TTC17: variants seen among roughly 807,000 people sequenced by gnomAD.
TTC17 encodes the protein tetratricopeptide repeat protein 17.
In TTC17, 58 loss-of-function variants were observed where a neutral mutation model predicts 143.8. The ratio of observed to expected loss-of-function variants is 0.40; its 90% CI spans 0.33 to 0.50. The LOEUF is 0.50. Among genes scored for constraint, TTC17 ranks in the 20% least tolerant of loss-of-function variants. The pLI is 0.49. For missense variants in TTC17, 1,273 were observed against 1,392.5 expected, an observed-to-expected ratio of 0.91 and a Z score of 1.37; for synonymous variants, 501 against 497.8, an observed-to-expected ratio of 1.01 and a Z score of -0.09.
chr11:43,366,889 T>G (rs1856368122), intron 1 of TTC17, among the ~76,000 whole-genome samples: 1 of 152,162 alleles, frequency 6.6e-6, no homozygotes, highest in Non-Finnish European at 1.5e-5. Context: ...GGCCTTTGCA[T>G]ATGTTGTTCT....
chr11:43,422,162 A>G (rs1342520401), intron 16 of TTC17, among the ~76,000 whole-genome samples: 1 of 152,184 alleles, frequency 6.6e-6, no homozygotes, highest in Non-Finnish European at 1.5e-5. Context: ...AGACACTCCT[A>G]GAAAGGGATA....
intron 1 of TTC17, chr11:43,370,056 A>G (rs1376197026): frequency 2.2e-6 from 1 of 455,522 alleles, no homozygotes; most frequent in Non-Finnish European, 4.4e-6. Context: ...AGATCTGTTT[A>G]TATTACACAT....
At chr11:43,376,749 A>T (rs967639667) in intron 1 of TTC17, among the ~76,000 whole-genome samples, 5 of 152,198 alleles carry the variant, frequency 3.3e-5, no homozygotes, top group Non-Finnish European at 7.4e-5. Flanking sequence ...ATAGAAGCTT[A>T]ATAAACACTT....
At chr11:43,469,152 C>G (rs1184679711) in intron 21 of TTC17, among the ~76,000 whole-genome samples, 1 of 152,008 alleles carries the variant, frequency 6.6e-6, no homozygotes, top group Non-Finnish European at 1.5e-5. Flanking sequence ...AAATGAAAAA[C>G]AAAACCCCAG....
chr11:43,483,088 T>A (rs1948317103), intron 21 of TTC17, among the ~76,000 whole-genome samples: 1 of 152,028 alleles, frequency 6.6e-6, no homozygotes, highest in South Asian at 2.1e-4. Flanking sequence ...TGAAAACAGG[T>A]AGACAATTTC....
At chr11:43,400,812 A>G (rs1250752679) in intron 9 of TTC17, among the ~76,000 whole-genome samples, 1 of 152,222 alleles carries the variant, frequency 6.6e-6, no homozygotes, top group Non-Finnish European at 1.5e-5. Context: ...ATTTGGTTAT[A>G]TCTAGAATGT....
At chr11:43,438,823 ACCTT>A (rs1947349778) in intron 16 of TTC17, among the ~76,000 whole-genome samples, 1 of 152,148 alleles carries the variant, frequency 6.6e-6, no homozygotes, top group East Asian at 1.9e-4. Context: ...AAATATAGTC[ACCTT>A]CTGTTAATTG....
intron 21 of TTC17, among the ~76,000 whole-genome samples, chr11:43,483,081 A>G (rs1289989157): frequency 6.6e-6 from 1 of 152,156 alleles, no homozygotes; most frequent in East Asian, 1.9e-4. Flanking sequence ...ATAAATTTGA[A>G]AACAGGTAGA....
chr11:43,420,746 G>A (rs1255344799), intron 16 of TTC17, among the ~76,000 whole-genome samples: 3 of 152,054 alleles, frequency 2.0e-5, no homozygotes, highest in Non-Finnish European at 2.9e-5. Context: ...ATAAATATTT[G>A]TTGGTTTTTA....
chr11:43,389,568 C>T, intron 2 of TTC17, 84 bp from the exon 3 acceptor site: 1 of 1,366,100 alleles, frequency 7.3e-7, no homozygotes, highest in Non-Finnish European at 9.8e-7. Context: ...CTGACTTCTT[C>T]AGCTCAGATT....
intron 16 of TTC17, among the ~76,000 whole-genome samples, chr11:43,430,425 CCAAA>C (rs1947126207): frequency 6.6e-6 from 1 of 151,748 alleles, no homozygotes; most frequent in African/African-American, 2.4e-5. Flanking sequence ...AATTCTGCCT[CCAAA>C]CAAACAAAAA....
chr11:43,487,696 G>C (rs1235494423), intron 21 of TTC17, among the ~76,000 whole-genome samples: 1 of 152,222 alleles, frequency 6.6e-6, no homozygotes, highest in East Asian at 1.9e-4. Flanking sequence ...TAGTTTGCTA[G>C]GGCCACTAGA....
intron 16 of TTC17, among the ~76,000 whole-genome samples, chr11:43,423,985 A>G (rs1039976547): frequency 6.6e-6 from 1 of 152,206 alleles, no homozygotes; most frequent in East Asian, 1.9e-4. Context: ...TTTTAGAGCT[A>G]TTAGATATAG....
chr11:43,389,104 G>A (rs1227610153), intron 2 of TTC17, among the ~76,000 whole-genome samples: 2 of 150,902 alleles, frequency 1.3e-5, no homozygotes, highest in East Asian at 1.9e-4. Flanking sequence ...CACCACTGCA[G>A]CACTCCAACC....
intron 21 of TTC17, among the ~76,000 whole-genome samples, chr11:43,479,058 G>T (rs111899751): frequency 1.3e-5 from 2 of 152,104 alleles, no homozygotes; most frequent in African/African-American, 2.4e-5. Flanking sequence ...GGTCAACATG[G>T]TGAAACCCTG....
intron 1 of TTC17, among the ~76,000 whole-genome samples, chr11:43,371,046 T>C (rs1856551830): frequency 6.6e-6 from 1 of 151,654 alleles, no homozygotes; most frequent in African/African-American, 2.4e-5. Context: ...CTTGAACTTA[T>C]CTCAGGTGAT....
Position 43,448,088 on chromosome 11 carries a change from A to G in TTC17, c.2752A>G (p.Ser918Gly), listed in dbSNP as rs756154101. 5.2e-5 allele frequency: 84 copies of G among 1,614,044 alleles called. No individual in the cohort carries two copies. Among genetic ancestry groups the G allele is most frequent in the Non-Finnish European group, 6.9e-5 (82 of 1,180,012 alleles). The change falls in exon 19 of 24, where the codon AGT becomes GGT. Residue 918 changes from serine (S) to glycine (G), a missense_variant. Transcript: ENST00000039989. ...LRWVELTAIV[S>G]TWLAVSSKNI... ...CTGGGTAGAGCTGACTGCCATCGTG[A>G]GTACCTGGCTTGCAGTTTCTTCAAA...
At chr11:43,407,046 G>A (rs1450126495) in intron 13 of TTC17, 92 bp from the exon 14 acceptor site, 5 of 801,472 alleles carry the variant, frequency 6.2e-6, no homozygotes, top group Admixed American at 4.9e-5. Context: ...TGTTCCTGAG[G>A]AGCTTAAGAA....
At chr11:43,362,459 T>C (rs1856156106) in intron 1 of TTC17, among the ~76,000 whole-genome samples, 1 of 152,150 alleles carries the variant, frequency 6.6e-6, no homozygotes, top group African/African-American at 2.4e-5. Flanking sequence ...CATGCGTATG[T>C]ATTGGAAATG....
Sources: gnomAD v4.1 joint callset for allele counts (sites outside exome capture counted in the v4.1 genomes callset) on GRCh38, gnomAD v4.1.1 for gene constraint, MANE v1.5 for transcripts, NCBI Gene and HGNC (gene_info 2026-07-23, HGNC 2026-07-21) for gene names.